Variants in RBFOX1 observed in about 807,000 individuals in gnomAD.
RBFOX1 encodes RNA binding fox-1 homolog 1, also known as RNA binding protein fox-1 homolog 1.
RBFOX1 carries 8 observed loss-of-function variants against 57.7 expected under a neutral mutation model. The ratio of observed to expected loss-of-function variants is 0.14; its 90% CI spans 0.08 to 0.25. The LOEUF is 0.25. Ranked by LOEUF, RBFOX1 falls within the 10% of genes least tolerant of loss-of-function variation. The pLI is 1.00. For missense variants in RBFOX1, 611 were observed against 548.5 expected (o/e 1.11, Z -1.14); for synonymous variants, 326 against 222.4 (o/e 1.47, Z -4.15).
chr16:7,510,261 A>G (rs917452555), intron 4 of RBFOX1: 3 of 985,812 alleles, frequency 3.0e-6, no homozygotes, highest in Admixed American at 6.1e-5. Context: ...GGTGTGGGAC[A>G]AGAACAGCTG....
chr16:7,641,963 C>T (rs1450032193), intron 11 of RBFOX1, among the ~76,000 whole-genome samples: 2 of 151,972 alleles, frequency 1.3e-5, no homozygotes, highest in Non-Finnish European at 2.9e-5. Flanking sequence ...TTTTAAAGTC[C>T]ACCAAACCAG....
chr16:7,408,768 A>G (rs937385621), intron 4 of RBFOX1, among the ~76,000 whole-genome samples: 1 of 152,188 alleles, frequency 6.6e-6, no homozygotes, highest in Admixed American at 6.5e-5. Context: ...ACTTTATGCC[A>G]GTAGCATCCC....
At chr16:7,227,537 G>C (rs1451588973) in intron 4 of RBFOX1, among the ~76,000 whole-genome samples, 1 of 152,126 alleles carries the variant, frequency 6.6e-6, no homozygotes, top group Non-Finnish European at 1.5e-5. Context: ...AGACGCAGTG[G>C]TTTCCCTGGG....
chr16:7,018,413 G>C (rs961043621), intron 3 of RBFOX1, among the ~76,000 whole-genome samples: 1 of 152,106 alleles, frequency 6.6e-6, no homozygotes, highest in Non-Finnish European at 1.5e-5. Flanking sequence ...GTGTGCGTGG[G>C]TGTTCATGAA....
chr16:5,907,444 A>G (rs867201177), intron 4 of RBFOX1, among the ~76,000 whole-genome samples: 3 of 152,192 alleles, frequency 2.0e-5, no homozygotes, highest in Admixed American at 1.3e-4. Flanking sequence ...TTGTGATTAT[A>G]TTAATATCAT....
intron 2 of RBFOX1, among the ~76,000 whole-genome samples, chr16:5,526,027 G>A (rs1296179177): frequency 6.6e-6 from 1 of 152,030 alleles, no homozygotes; most frequent in East Asian, 1.9e-4. Context: ...CCCAGGGGGC[G>A]GACGGGCAGT....
chr16:6,115,483 C>T (rs1459456164), intron 1 of RBFOX1, among the ~76,000 whole-genome samples: 1 of 152,108 alleles, frequency 6.6e-6, no homozygotes, highest in Non-Finnish European at 1.5e-5. Context: ...TAGATTTGTG[C>T]ATATTGGCTG....
chr16:7,569,689 G>C (rs746084709), intron 5 of RBFOX1, among the ~76,000 whole-genome samples: 1 of 152,144 alleles, frequency 6.6e-6, no homozygotes, highest in Non-Finnish European at 1.5e-5. Flanking sequence ...CCAACCACAG[G>C]TGTCTGTTGA....
In RBFOX1 at chr16:6,919,466, A is replaced by G. The variant is rs1465360701; in HGVS notation, c.-15-132591A>G. Among the ~76,000 whole-genome samples, 10 of 152,142 alleles carry G rather than the reference A, an allele frequency of 6.6e-5. No individual in the cohort carries two copies. The East Asian group carries it at 1.9e-3, about 29-fold the overall frequency. On this transcript the variant is annotated intron_variant, in intron 3 of 15. Coordinates refer to ENST00000550418, the MANE Select transcript of RBFOX1 (RefSeq NM_018723.4). ...ACATAGAGGGTTTTTTTTTTTAAGT[A>G]AACTTCTCAGCATCACACACTAATA...
intron 4 of RBFOX1, among the ~76,000 whole-genome samples, chr16:7,191,935 A>G (rs1240830597): frequency 2.0e-5 from 3 of 152,222 alleles, no homozygotes; most frequent in Non-Finnish European, 4.4e-5. Flanking sequence ...TTGTGATAAT[A>G]ATTTATTAAA....
At chr16:7,689,997 C>T (rs1253287313) in intron 14 of RBFOX1, among the ~76,000 whole-genome samples, 1 of 152,060 alleles carries the variant, frequency 6.6e-6, no homozygotes, top group Non-Finnish European at 1.5e-5. Context: ...ACAGAAGCTG[C>T]AAAAGTAGAA....
intron 3 of RBFOX1, among the ~76,000 whole-genome samples, chr16:6,727,628 G>T (rs970442674): frequency 3.3e-5 from 5 of 152,180 alleles, no homozygotes; most frequent in African/African-American, 1.2e-4. Context: ...ATGAATTTGG[G>T]ATAGGGTCTT....
chr16:5,922,022 A>G (rs940686749), intron 4 of RBFOX1, among the ~76,000 whole-genome samples: 4 of 151,890 alleles, frequency 2.6e-5, no homozygotes, highest in Non-Finnish European at 5.9e-5. Context: ...TTCGCCGGGC[A>G]TGGTGATGTA....
chr16:7,689,315 A>G (rs1460771033), intron 14 of RBFOX1, among the ~76,000 whole-genome samples: 1 of 152,106 alleles, frequency 6.6e-6, no homozygotes, highest in East Asian at 1.9e-4. Context: ...TCCCAGTTCA[A>G]AATAATCTTC....
chr16:5,629,395 T>A (rs1362365442), intron 3 of RBFOX1, among the ~76,000 whole-genome samples: 1 of 152,214 alleles, frequency 6.6e-6, no homozygotes, highest in Non-Finnish European at 1.5e-5. Context: ...CAACCAGGAC[T>A]GCCAGTGGTA....
chr16:5,580,590 C>T (rs1022617011), intron 2 of RBFOX1, among the ~76,000 whole-genome samples: 1 of 152,192 alleles, frequency 6.6e-6, no homozygotes, highest in African/African-American at 2.4e-5. Flanking sequence ...TGGTTGTTCC[C>T]TTTGTGAGGC....
chr16:7,660,029 A>G (rs6501007), intron 12 of RBFOX1, among the ~76,000 whole-genome samples: 107,663 of 152,068 alleles, frequency 0.71, 38,704 homozygotes, highest in Admixed American at 0.79. Context: ...TTTATTTTCT[A>G]GTTGGAAGGG....
At chr16:6,652,730 G>A (rs1291450563) in intron 2 of RBFOX1, among the ~76,000 whole-genome samples, 1 of 152,130 alleles carries the variant, frequency 6.6e-6, no homozygotes, top group Admixed American at 6.5e-5. Context: ...CACAGAGACA[G>A]AAAGCAGAAG....
In RBFOX1 at chr16:6,213,655, T is replaced by A. The variant is rs537326413; in HGVS notation, c.-126-103340T>A. ...TCATGAGTCTGTGCTCTTATTTCAATGTAATAAAGAGAAGAAGAAATACTG... is the reference window on the plus strand; with the variant it reads ...TCATGAGTCTGTGCTCTTATTTCAAAGTAATAAAGAGAAGAAGAAATACTG... On this transcript the variant is annotated intron_variant, in intron 1 of 15. Transcript: ENST00000550418. Among the ~76,000 whole-genome samples, 3 of 152,312 alleles carry A rather than the reference T, an allele frequency of 2.0e-5. No individual in the cohort carries two copies. In the South Asian group the frequency reaches 6.2e-4, roughly 32 times the overall value.
Sources: allele counts gnomAD v4.1 joint callset (sites outside exome capture counted in the v4.1 genomes callset), GRCh38; gene constraint gnomAD v4.1.1; transcripts MANE v1.5; gene names NCBI Gene and HGNC (gene_info 2026-07-23, HGNC 2026-07-21).